COL28A1: variants seen among roughly 807,000 people sequenced by gnomAD.
COL28A1 encodes collagen alpha-1(XXVIII) chain.
Under a neutral mutation model 150.2 loss-of-function variants are expected in COL28A1, and 161 were observed. The ratio of observed to expected loss-of-function variants is 1.07; its 90% CI spans 0.94 to 1.22. COL28A1 has a LOEUF of 1.22. Ranked by LOEUF, COL28A1 falls within the 50% of genes most tolerant of loss-of-function variation. The pLI, the probability that COL28A1 is intolerant of heterozygous loss-of-function variation, is 0.00. For missense variants in COL28A1, 1,617 were observed against 1,388.3 expected (o/e 1.16, Z -2.62); for synonymous variants, 552 against 469.7 (o/e 1.18, Z -2.26).
rs750034514 is a variant in COL28A1 at position 7,432,677 on chromosome 7, T to A, written c.1884A>T (p.Pro628=). ...CACCTTTGAGTCCTGGAGCACCCAC[T>A]GGTCCCCGAGGGCCTTGGACACCCT... ...GPKGVQGPRG[P]VGAPGLKGDG... The change falls in exon 24 of 35, where the codon CCA becomes CCT. Residue 628 remains proline, a synonymous_variant. Coordinates refer to ENST00000399429, the MANE Select transcript of COL28A1 (RefSeq NM_001037763.3). The A allele has an allele frequency of 6.2e-7, 1 of 1,613,940 alleles. No homozygotes were observed. The highest frequency in any genetic ancestry group is 8.5e-7 in the Non-Finnish European group (1 of 1,179,998).
At chr7:7,374,038 A>AAAATATATATATATATATATAT in intron 31 of COL28A1, among the ~76,000 whole-genome samples, 1 of 113,654 alleles carries the variant, frequency 8.8e-6, no homozygotes, top group African/African-American at 3.8e-5. Flanking sequence ...AAAAAAAAAA[A>AAAATATATATATATATATATAT]ATATATATAT....
chr7:7,435,214 T>C (rs1785255584), intron 23 of COL28A1, among the ~76,000 whole-genome samples: 1 of 152,146 alleles, frequency 6.6e-6, no homozygotes, highest in Non-Finnish European at 1.5e-5. Flanking sequence ...CAAACAGAAG[T>C]ATATGTAGAG....
Position 7,523,721 on chromosome 7 carries a change from T to C in COL28A1, c.702+508A>G, listed in dbSNP as rs542747669. Among the ~76,000 whole-genome samples the C allele has an allele frequency of 2.4e-4, 37 of 152,280 alleles. No homozygotes were observed. In the South Asian group the frequency reaches 7.5e-3, roughly 31 times the overall value. ...TGTGCTAAGGCTCGTCCAATCTTAT[T>C]GGCCAGTTTCCTTTGCCACGTGGTC... is the stretch of plus-strand genomic sequence containing the variant. On this transcript the variant is annotated intron_variant, in intron 4 of 34. Coordinates refer to ENST00000399429, the MANE Select transcript of COL28A1 (RefSeq NM_001037763.3).
At chr7:7,432,804 C>G (rs1785072453) in intron 23 of COL28A1, 104 bp from the exon 24 acceptor site, 4 of 839,102 alleles carry the variant, frequency 4.8e-6, no homozygotes, top group African/African-American at 1.7e-5. Context: ...CGATTTCTAA[C>G]CCGGGAGTTA....
At chr7:7,533,295 G>A (rs995238065) in intron 1 of COL28A1, among the ~76,000 whole-genome samples, 3 of 152,070 alleles carry the variant, frequency 2.0e-5, no homozygotes, top group Non-Finnish European at 2.9e-5. Context: ...AATTCAGATT[G>A]CTATATGGTC....
intron 13 of COL28A1, among the ~76,000 whole-genome samples, chr7:7,485,068 C>T (rs535599555): frequency 1.3e-5 from 2 of 152,014 alleles, no homozygotes; most frequent in African/African-American, 4.8e-5. Context: ...TACACCAAAC[C>T]CCTGTGACAT....
chr7:7,370,200 T>A (rs889314960), intron 33 of COL28A1, among the ~76,000 whole-genome samples: 1 of 152,172 alleles, frequency 6.6e-6, no homozygotes, highest in Non-Finnish European at 1.5e-5. Context: ...ACCATATGCA[T>A]ATATAGCCTC....
chr7:7,352,944 A>T (rs546274841), downstream of COL28A1, among the ~76,000 whole-genome samples: 1 of 152,306 alleles, frequency 6.6e-6, no homozygotes, highest in Admixed American at 6.5e-5. Flanking sequence ...AAAGGAAAAA[A>T]ATCTCGGGAC....
At chr7:7,385,749 G>A (rs1294633) in intron 27 of COL28A1, among the ~76,000 whole-genome samples, 136,313 of 152,244 alleles carry the variant, frequency 0.9, 61,151 homozygotes, top group East Asian at 1. Flanking sequence ...ACTTCACAAT[G>A]TAAGTATTTT....
intron 33 of COL28A1, among the ~76,000 whole-genome samples, chr7:7,366,591 C>T (rs548849010): frequency 6.6e-6 from 1 of 152,096 alleles, no homozygotes; most frequent in Admixed American, 6.5e-5. Context: ...AGTTGTTACG[C>T]AGGGTTTTAT....
intron 33 of COL28A1, among the ~76,000 whole-genome samples, chr7:7,365,100 T>C (rs73345245): frequency 0.014 from 2,066 of 152,206 alleles, 62 homozygotes; most frequent in African/African-American, 0.048. Flanking sequence ...ACACACCCAA[T>C]TCACGATAGT....
chr7:7,380,850 C>A lies in COL28A1; in HGVS notation c.2218G>T (p.Glu740Ter). 5.6e-6 allele frequency: 9 copies of A among 1,613,422 alleles called. No homozygotes were observed. The highest frequency in any genetic ancestry group is 7.6e-6 in the Non-Finnish European group (9 of 1,179,386). The stretch of plus-strand genomic sequence containing the variant: ...CCTTTCTTTCCCACATCGCCCCGTT[C>A]TCCGTGCTCTCCCTTTACACAATAG... The part of the protein sequence containing the change: ...GLPGQKGEHG[E>*]RGDVGKKGDK... Residue 740 changes from glutamate to a stop codon, truncating the protein, a stop_gained, in exon 29 of 35, where the codon GAA becomes TAA. Coordinates refer to ENST00000399429, the MANE Select transcript of COL28A1 (RefSeq NM_001037763.3). LOFTEE classifies it high-confidence loss of function.
At chr7:7,346,561 C>T in the COL28A1 span, among the ~76,000 whole-genome samples, 1 of 152,012 alleles carries the variant, frequency 6.6e-6, no homozygotes, top group Middle Eastern at 3.4e-3. Flanking sequence ...ACAGAAAATA[C>T]CAGAAAATGA....
chr7:7,445,230 C>T (rs147571050), intron 18 of COL28A1, among the ~76,000 whole-genome samples: 11 of 152,230 alleles, frequency 7.2e-5, no homozygotes, highest in South Asian at 2.1e-4. Flanking sequence ...ACTAATACAA[C>T]GGGTACTATA....
At chr7:7,473,494 T>C (rs572238942) in intron 15 of COL28A1, among the ~76,000 whole-genome samples, 34 of 152,252 alleles carry the variant, frequency 2.2e-4, no homozygotes, top group African/African-American at 7.9e-4. Flanking sequence ...TGATACCACC[T>C]TACTCCTGCA....
At position 7,370,684 on chromosome 7, in the gene COL28A1, C is replaced by T. The variant is rs201797584; in HGVS notation, c.3066+41G>A. ...TCTTTGATATGAAACAGAGAGAATA[C>T]ACCATTTTAAGCTCACAAAGTAAGT... On this transcript the variant is annotated intron_variant, in intron 33 of 34. Coordinates refer to ENST00000399429, the MANE Select transcript of COL28A1 (RefSeq NM_001037763.3). The T allele has an allele frequency of 4.0e-4, 609 of 1,535,322 alleles. 1 individual carries two copies. The highest frequency in any genetic ancestry group is 4.9e-4 in the Non-Finnish European group (548 of 1,120,666).
intron 18 of COL28A1, among the ~76,000 whole-genome samples, chr7:7,449,105 G>C (rs937445440): frequency 6.6e-6 from 1 of 152,018 alleles, no homozygotes; most frequent in African/African-American, 2.4e-5. Flanking sequence ...CTTTAAACAT[G>C]TGCATTTATT....
intron 33 of COL28A1, among the ~76,000 whole-genome samples, chr7:7,369,493 G>A (rs1031332121): frequency 3.3e-5 from 5 of 152,196 alleles, no homozygotes; most frequent in Admixed American, 2.0e-4. Context: ...TACAGGGTTT[G>A]CTGACACCTG....
chr7:7,517,104 A>AT (rs1781456857), intron 7 of COL28A1, among the ~76,000 whole-genome samples: 1 of 152,094 alleles, frequency 6.6e-6, no homozygotes. Context: ...CAAATTTCAG[A>AT]TTTTTTGTTG....
Sources: gnomAD v4.1 joint callset for allele counts (sites outside exome capture counted in the v4.1 genomes callset) on GRCh38, gnomAD v4.1.1 for gene constraint, MANE v1.5 for transcripts, NCBI Gene and HGNC (gene_info 2026-07-23, HGNC 2026-07-21) for gene names.